The following CHST12 variants were observed in gnomAD, a reference collection of about 807,000 sequenced individuals.
CHST12 encodes the protein carbohydrate (chondroitin 4) sulfotransferase 12.
CHST12 carries 23 observed loss-of-function variants against 27.9 expected under a neutral mutation model. That is an observed-to-expected ratio of 0.82 (90% confidence interval 0.59 to 1.17). The LOEUF is 1.17. Ranked by LOEUF, CHST12 falls within the 50% of genes most tolerant of loss-of-function variation. The probability of loss-of-function intolerance (pLI) is 0.00; values close to 1 mark genes in which losing one functional copy is unlikely to be tolerated. For missense variants in CHST12, 682 were observed against 603.0 expected (o/e 1.13, Z -1.37); for synonymous variants, 322 against 273.0 (o/e 1.18, Z -1.77).
chr7:2,410,999 G>T (rs549896128), intron 1 of CHST12, among the ~76,000 whole-genome samples: 3 of 152,140 alleles, frequency 2.0e-5, no homozygotes, highest in Non-Finnish European at 4.4e-5. Flanking sequence ...TTGGGGCAGG[G>T]TGGGGTGTAG....
intron 1 of CHST12, among the ~76,000 whole-genome samples, chr7:2,409,021 A>G (rs1781596376): frequency 6.6e-6 from 1 of 152,246 alleles, no homozygotes. Flanking sequence ...TACTAAACAA[A>G]GCAAATGAAA....
chr7:2,433,335 G>A lies in CHST12; in HGVS notation c.696G>A (p.Lys232=), dbSNP rs768398307. ...RYGKLSRHLM[K]VKLKKYTKFL... Reference sequence around the variant, plus strand: ...GGAAGCTCTCCCGCCACCTCATGAAGGTCAAGCTCAAGAAGTACACCAAGT... The same window carrying A: ...GGAAGCTCTCCCGCCACCTCATGAAAGTCAAGCTCAAGAAGTACACCAAGT... The change falls in exon 2 of 2, where the codon AAG becomes AAA. Residue 232 remains lysine (K), a synonymous_variant. Coordinates refer to ENST00000618655, the MANE Select transcript of CHST12 (RefSeq NM_018641.5). This position sits in a 1 kb window ranked among gnomAD's most constrained non-coding sequence, Gnocchi z 6.1. 1 of 1,612,696 alleles carries A rather than the reference G, an allele frequency of 6.2e-7. No homozygotes were observed. Among genetic ancestry groups the A allele is most frequent in the Non-Finnish European group, 8.5e-7 (1 of 1,179,914 alleles).
At chr7:2,416,241 A>G (rs1476665182) in intron 1 of CHST12, among the ~76,000 whole-genome samples, 1 of 152,214 alleles carries the variant, frequency 6.6e-6, no homozygotes, top group East Asian at 1.9e-4. Flanking sequence ...TTATTTGGCC[A>G]CATCTTCAGG....
rs1025515641 is a variant in CHST12, at chr7:2,443,226, C to G, written c.*9342C>G. 6.6e-6 allele frequency: 1 copy of G among 152,230 alleles called. No homozygotes were observed. Among genetic ancestry groups the G allele is most frequent in the Non-Finnish European group, 1.5e-5 (1 of 68,060 alleles). The allele number at this position is 152,230 out of a possible 1,614,324, so 9.4% of individuals were successfully genotyped here. ...AAGCCATTCTTGTGCCTCAGCTTCC[C>G]GAGTAGGTGGAATTATAGGCGTGTG... On this transcript the variant is annotated 3_prime_UTR_variant, in exon 2 of 2. Coordinates refer to ENST00000618655, the MANE Select transcript of CHST12 (RefSeq NM_018641.5).
intron 1 of CHST12, among the ~76,000 whole-genome samples, chr7:2,423,894 C>G (rs1414902380): frequency 2.0e-5 from 3 of 152,122 alleles, no homozygotes; most frequent in Non-Finnish European, 4.4e-5. Context: ...TGGCAAGACC[C>G]TGTCTCTACC....
intron 1 of CHST12, among the ~76,000 whole-genome samples, chr7:2,410,232 C>T (rs1781632991): frequency 6.6e-6 from 1 of 152,228 alleles, no homozygotes; most frequent in Non-Finnish European, 1.5e-5. Context: ...TCACCTCTTT[C>T]TTGAGCAAGT....
Position 2,431,694 on chromosome 7 carries a change from G to A in CHST12, c.-77-869G>A, listed in dbSNP as rs527539491. Among the ~76,000 whole-genome samples, 17 of 152,358 alleles carry A rather than the reference G, an allele frequency of 1.1e-4. No homozygotes were observed. In the South Asian group the frequency reaches 3.5e-3, roughly 32 times the overall value. The stretch of plus-strand genomic sequence containing the variant: ...CACCAACACCCCCTGGTGCCTGGCA[G>A]GGGAATAGCAATGTGCCACTTACTT... On this transcript the variant is annotated intron_variant, in intron 1 of 1. Coordinates refer to ENST00000618655, the MANE Select transcript of CHST12 (RefSeq NM_018641.5).
chr7:2,407,160 G>A (rs945437896), intron 1 of CHST12, among the ~76,000 whole-genome samples: 6 of 152,116 alleles, frequency 3.9e-5, no homozygotes, highest in Admixed American at 6.5e-5. Context: ...AAAAAGAAAC[G>A]GAAAGGATCA....
chr7:2,423,030 C>G (rs756115934), intron 1 of CHST12, among the ~76,000 whole-genome samples: 6 of 151,996 alleles, frequency 3.9e-5, no homozygotes, highest in Non-Finnish European at 8.8e-5. Flanking sequence ...CATTCCAGCA[C>G]TTTGGGAGGC....
At chr7:2,408,170 G>T (rs1781570024) in intron 1 of CHST12, among the ~76,000 whole-genome samples, 1 of 151,904 alleles carries the variant, frequency 6.6e-6, no homozygotes, top group East Asian at 1.9e-4. Context: ...AGGAGTTTGA[G>T]ACCAGCCTGG....
chr7:2,405,393 G>A (rs1163584750), intron 1 of CHST12, among the ~76,000 whole-genome samples: 1 of 152,144 alleles, frequency 6.6e-6, no homozygotes, highest in Non-Finnish European at 1.5e-5. Flanking sequence ...GCAGTGAGCC[G>A]ACACTGGGCC....
chr7:2,425,218 AAC>A (rs1375749738), intron 1 of CHST12, among the ~76,000 whole-genome samples: 1,180 of 87,434 alleles, frequency 0.013, 23 homozygotes, highest in African/African-American at 0.054. Context: ...AAAAAAAAAA[AAC>A]AACAAACAAA....
In CHST12 at chr7:2,415,804, C is replaced by T. The variant is rs572121866; in HGVS notation, c.-78+12131C>T. Reference sequence around the variant, plus strand: ...ATTTTTTTTGTATTTTTAGTAGAGACGGGGTTTTACCGTGTTAGCCAGGAT... The same window carrying T: ...ATTTTTTTTGTATTTTTAGTAGAGATGGGGTTTTACCGTGTTAGCCAGGAT... On this transcript the variant is annotated intron_variant, in intron 1 of 1. Transcript: ENST00000618655. Among the ~76,000 whole-genome samples the T allele has an allele frequency of 8.6e-5, 13 of 151,996 alleles. No homozygotes were observed. In the South Asian group the frequency reaches 1.0e-3, roughly 12 times the overall value.
chr7:2,434,118 C>CCGCCCGCTCGCTCGCCCGCT lies in CHST12; in HGVS notation c.*245_*246insTCGCCCGCTCGCCCGCTCGC. 2.8e-6 allele frequency: 1 copy of CCGCCCGCTCGCTCGCCCGCT among 353,530 alleles called. No individual in the cohort carries two copies. The highest frequency in any genetic ancestry group is 5.0e-6 in the Non-Finnish European group (1 of 198,674). The allele number at this position is 353,530 out of a possible 1,614,324, so 21.9% of individuals were successfully genotyped here. A position where few individuals can be genotyped will look rare whatever the true frequency, so the allele number is the denominator to read the frequency against. ...CTCTCCCCTCCGCCCGCCCACCCGC[C>CCGCCCGCTCGCTCGCCCGCT]CGCCCGCTCGCCCGCTCGCCCGCTC... On this transcript the variant is annotated 3_prime_UTR_variant, in exon 2 of 2. Transcript: ENST00000618655.
intron 1 of CHST12, among the ~76,000 whole-genome samples, chr7:2,423,272 CAAAA>C: frequency 6.7e-6 from 1 of 149,718 alleles, no homozygotes; most frequent in South Asian, 2.1e-4. Context: ...GACTCCATCT[CAAAA>C]AAAATAAAAA....
intron 1 of CHST12, among the ~76,000 whole-genome samples, chr7:2,405,978 C>T (rs915644596): frequency 1.1e-4 from 16 of 152,226 alleles, no homozygotes; most frequent in African/African-American, 3.4e-4. Context: ...GCGTGCAGTT[C>T]CTTGACTACG....
chr7:2,409,822 G>A (rs1781617884), intron 1 of CHST12, among the ~76,000 whole-genome samples: 1 of 152,158 alleles, frequency 6.6e-6, no homozygotes, highest in African/African-American at 2.4e-5. Flanking sequence ...GGCGGCCCTC[G>A]CCTGCCTCTG....
At chr7:2,431,871 G>C (rs943311801) in intron 1 of CHST12, among the ~76,000 whole-genome samples, 4 of 152,036 alleles carry the variant, frequency 2.6e-5, no homozygotes, top group African/African-American at 9.7e-5. Context: ...TTAAGGAATG[G>C]TTCCCAAGAC....
rs950462527 is a variant in CHST12 at position 2,440,843 on chromosome 7, G to C, written c.*6959G>C. The C allele has an allele frequency of 6.6e-6, 1 of 152,172 alleles. No homozygotes were observed. The highest frequency in any genetic ancestry group is 6.5e-5 in the Admixed American group (1 of 15,270). 9.4% of individuals were successfully genotyped at this position (152,172 alleles called of 1,614,324 possible). A position where few individuals can be genotyped will look rare whatever the true frequency, so the allele number is the denominator to read the frequency against. ...GGGTCGGGAGTCAACGATACTTCTT[G>C]TGCTGTCGTTTCTCCGGCCGTGTGA... On this transcript the variant is annotated 3_prime_UTR_variant, in exon 2 of 2. Transcript: ENST00000618655.
Sources: allele counts gnomAD v4.1 joint callset (sites outside exome capture counted in the v4.1 genomes callset), GRCh38; gene constraint gnomAD v4.1.1; non-coding constraint Gnocchi (gnomAD v3.1); transcripts MANE v1.5; gene names NCBI Gene and HGNC (gene_info 2026-07-23, HGNC 2026-07-21).